The following ADARB2 variants were observed in gnomAD, a reference collection of about 807,000 sequenced individuals.
ADARB2 encodes adenosine deaminase RNA specific B2 (inactive), also known as inactive double-stranded RNA-specific editase B2.
Under a neutral mutation model 62.2 loss-of-function variants are expected in ADARB2, and 25 were observed. The observed-to-expected ratio is 0.40, with a 90% CI of 0.29 to 0.56. ADARB2 has a LOEUF of 0.56. Among genes scored for constraint, ADARB2 ranks in the 20% least tolerant of loss-of-function variants. ADARB2 has a pLI of 0.43. For synonymous variants in ADARB2, 572 were observed against 500.8 expected (o/e 1.14, Z -1.90); for missense variants, 1,071 against 1,077.4 (o/e 0.99, Z 0.08).
At chr10:1,259,893 A>C (rs891889840) in intron 4 of ADARB2, among the ~76,000 whole-genome samples, 1 of 152,218 alleles carries the variant, frequency 6.6e-6, no homozygotes, top group African/African-American at 2.4e-5. Flanking sequence ...TTGATGCAAA[A>C]ATCCTCAATA....
intron 3 of ADARB2, among the ~76,000 whole-genome samples, chr10:1,326,121 C>G (rs914080065): frequency 6.6e-6 from 1 of 152,202 alleles, no homozygotes; most frequent in Non-Finnish European, 1.5e-5. Flanking sequence ...CCATTCCCCC[C>G]ATACTTGGTA....
intron 1 of ADARB2, among the ~76,000 whole-genome samples, chr10:1,706,608 C>T (rs1834892653): frequency 6.6e-6 from 1 of 152,188 alleles, no homozygotes; most frequent in Non-Finnish European, 1.5e-5. Flanking sequence ...GGAAAACAGT[C>T]CTACTTTTCA....
intron 3 of ADARB2, among the ~76,000 whole-genome samples, chr10:1,332,932 C>T (rs764520158): frequency 6.0e-4 from 91 of 152,284 alleles, no homozygotes; most frequent in Non-Finnish European, 1.2e-3. Context: ...TCCCCATCCC[C>T]GCAATCAATG....
At chr10:1,722,121 ACT>A (rs1168922810) in intron 1 of ADARB2, among the ~76,000 whole-genome samples, 5 of 151,828 alleles carry the variant, frequency 3.3e-5, no homozygotes, top group Non-Finnish European at 4.4e-5. Flanking sequence ...AATTGTGTAG[ACT>A]CTATTTCACT....
In ADARB2 at chr10:1,494,514, A is replaced by C. The variant is rs541191269; in HGVS notation, c.101-115354T>G. ...CTACTTTTTCAAATCTGTGGACTAC[A>C]ACAGCACTCTTGGGGACAATAACCC... On this transcript the variant is annotated intron_variant, in intron 1 of 9. Transcript: ENST00000381312. Among the ~76,000 whole-genome samples, 16 of 152,328 alleles carry C rather than the reference A, an allele frequency of 1.1e-4. No homozygotes were observed. The East Asian group carries it at 2.7e-3, about 26-fold the overall frequency.
rs765731656 is a variant in ADARB2, at chr10:1,271,024, C to T, written c.1123G>A (p.Glu375Lys). The change falls in exon 4 of 10, where the codon GAG becomes AAG. Residue 375 changes from glutamate (E) to lysine (K), a missense_variant. By Grantham distance (56) the Glu-to-Lys change is moderately conservative (BLOSUM62 1). Transcript: ENST00000381312. ...ISQLVTQKFR[E>K]VTTDLTPMHA... ...ATGGGCGTGAGGTCCGTCGTCACCT[C>T]GCGGAACTTCTGTGTGACCAGCTGG... 51 of 1,613,892 alleles carry T rather than the reference C, an allele frequency of 3.2e-5. No homozygotes were observed. Among genetic ancestry groups the T allele is most frequent in the East Asian group, 4.5e-5 (2 of 44,868 alleles).
At position 1,233,823 on chromosome 10, in the gene ADARB2, G is replaced by T. The variant is rs750891542; in HGVS notation, c.1384C>A (p.Arg462=). 6.2e-7 allele frequency: 1 copy of T among 1,613,906 alleles called. No individual in the cohort carries two copies. The highest frequency in any genetic ancestry group is 8.5e-7 in the Non-Finnish European group (1 of 1,179,942). Residue 462 remains arginine, a synonymous_variant, in exon 6 of 10, where the codon CGA becomes AGA. Transcript: ENST00000381312. The part of the protein sequence containing the change: ...HLSKRREDSE[R]SIFVRLKEGG... ...TCTTTTAACCGCACGAATATCGATC[G>T]CTCTGAGTCCTCGCGCCGCTTGCTA... is the stretch of plus-strand genomic sequence containing the variant.
Position 1,182,778 on chromosome 10 carries a change from C to T in ADARB2, c.*415G>A, listed in dbSNP as rs1836695292. 6.1e-6 allele frequency: 1 copy of T among 164,674 alleles called. No homozygotes were observed. Among genetic ancestry groups the T allele is most frequent in the South Asian group, 1.8e-4 (1 of 5,434 alleles). 10.2% of individuals were successfully genotyped at this position (164,674 alleles called of 1,614,324 possible). ...ATTTGTGGCTTATCTTCATGTGCCC[C>T]CTCAAGCTAGTGAGACCCCAGCATC... is the stretch of plus-strand genomic sequence containing the variant. On this transcript the variant is annotated 3_prime_UTR_variant, in exon 10 of 10. Coordinates refer to ENST00000381312, the MANE Select transcript of ADARB2 (RefSeq NM_018702.4).
At chr10:1,301,659 G>A (rs939000450) in intron 3 of ADARB2, among the ~76,000 whole-genome samples, 2 of 152,116 alleles carry the variant, frequency 1.3e-5, no homozygotes, top group African/African-American at 2.4e-5. Context: ...TTAGGATTTA[G>A]AGTAAAGACC....
chr10:1,579,275 A>C (rs1026172048), intron 1 of ADARB2, among the ~76,000 whole-genome samples: 1 of 152,188 alleles, frequency 6.6e-6, no homozygotes, highest in Non-Finnish European at 1.5e-5. Context: ...CACACAATGA[A>C]TAGAAGGCAC....
intron 1 of ADARB2, among the ~76,000 whole-genome samples, chr10:1,427,003 G>A (rs551494455): frequency 5.9e-5 from 9 of 152,382 alleles, no homozygotes; most frequent in South Asian, 4.1e-4. Flanking sequence ...CTGCAGGCAC[G>A]TGTGTACTCC....
chr10:1,690,781 C>A (rs1254630378), intron 1 of ADARB2, among the ~76,000 whole-genome samples: 1 of 152,306 alleles, frequency 6.6e-6, no homozygotes, highest in South Asian at 2.1e-4. Flanking sequence ...TCCTGTCACC[C>A]CCTCCCCAGC....
At chr10:1,325,373 ACCT>A (rs1157835059) in intron 3 of ADARB2, among the ~76,000 whole-genome samples, 7 of 151,624 alleles carry the variant, frequency 4.6e-5, no homozygotes, top group South Asian at 2.1e-4. Flanking sequence ...CTATGCTCTC[ACCT>A]CCTATGTTTT....
chr10:1,632,168 T>C (rs576670071), intron 1 of ADARB2, among the ~76,000 whole-genome samples: 110 of 152,322 alleles, frequency 7.2e-4, no homozygotes, highest in Non-Finnish European at 1.4e-3. Context: ...ATACTAAATA[T>C]CTCATGAAGA....
intron 1 of ADARB2, among the ~76,000 whole-genome samples, chr10:1,496,467 CCAT>C (rs1485837121): frequency 1.3e-5 from 2 of 151,862 alleles, no homozygotes; most frequent in African/African-American, 4.8e-5. Flanking sequence ...ATTATCACCA[CCAT>C]CATCATCATT....
At chr10:1,205,439 A>C (rs1452905116) in intron 7 of ADARB2, among the ~76,000 whole-genome samples, 1 of 149,076 alleles carries the variant, frequency 6.7e-6, no homozygotes, top group African/African-American at 2.4e-5. Flanking sequence ...GCACAGCCTG[A>C]GGGAGACAAC....
intron 1 of ADARB2, among the ~76,000 whole-genome samples, chr10:1,478,405 G>T (rs1377082603): frequency 6.6e-6 from 1 of 152,138 alleles, no homozygotes; most frequent in African/African-American, 2.4e-5. Context: ...CACTTCCTTA[G>T]TATCTCCGTT....
chr10:1,722,540 G>T (rs1230350500), intron 1 of ADARB2, among the ~76,000 whole-genome samples: 1 of 152,198 alleles, frequency 6.6e-6, no homozygotes, highest in East Asian at 1.9e-4. Flanking sequence ...GTATCAACCT[G>T]ATAAGCACAC....
At chr10:1,303,827 G>C (rs917019525) in intron 3 of ADARB2, among the ~76,000 whole-genome samples, 15 of 151,624 alleles carry the variant, frequency 9.9e-5, no homozygotes, top group African/African-American at 3.6e-4. Context: ...CAAATGCTGA[G>C]AGATTTTGTC....
Sources: allele counts gnomAD v4.1 joint callset (sites outside exome capture counted in the v4.1 genomes callset), GRCh38; gene constraint gnomAD v4.1.1; transcripts MANE v1.5; gene names NCBI Gene and HGNC (gene_info 2026-07-23, HGNC 2026-07-21).